UNC5D: variants seen among roughly 807,000 people sequenced by gnomAD.
UNC5D encodes the protein netrin receptor UNC5D.
UNC5D carries 39 observed loss-of-function variants against 105.4 expected under a neutral mutation model. That is an observed-to-expected ratio of 0.37 (90% confidence interval 0.29 to 0.48). The LOEUF is 0.48. UNC5D is among the 20% of genes least tolerant of loss of function. The pLI is 0.98. For missense variants in UNC5D, 991 were observed against 1,202.4 expected (o/e 0.82, Z 2.60); for synonymous variants, 452 against 450.4 (o/e 1.00, Z -0.04).
At chr8:35,331,885 G>T (rs756604117) in intron 1 of UNC5D, among the ~76,000 whole-genome samples, 3 of 152,154 alleles carry the variant, frequency 2.0e-5, no homozygotes, top group Non-Finnish European at 2.9e-5. Flanking sequence ...CTTGGTAGAG[G>T]TGGCAACAAT....
intron 16 of UNC5D, among the ~76,000 whole-genome samples, chr8:35,784,148 G>C (rs1802632564): frequency 6.6e-6 from 1 of 152,120 alleles, no homozygotes; most frequent in Admixed American, 6.5e-5. Context: ...TGGTGATAGA[G>C]AAGTCTCTGA....
chr8:35,490,468 G>A (rs944314277), intron 1 of UNC5D, among the ~76,000 whole-genome samples: 12 of 151,964 alleles, frequency 7.9e-5, no homozygotes, highest in South Asian at 4.1e-4. Context: ...AGCCTACAGC[G>A]AGCTGTGATT....
intron 15 of UNC5D, among the ~76,000 whole-genome samples, chr8:35,768,797 C>A (rs539594999): frequency 6.6e-6 from 1 of 152,104 alleles, no homozygotes; most frequent in African/African-American, 2.4e-5. Flanking sequence ...CTTAGAAATG[C>A]CTTGCAGAAG....
In UNC5D at chr8:35,750,764, C is replaced by T. The variant is rs771659522; in HGVS notation, c.2118C>T (p.Tyr706=). ...FGCMSCNSLD[Y]NLRVYCVDNT... ...GCATGTCCTGTAACTCCCTGGATTACAACTTGAGAGTTTACTGTGTGGACA... is the reference window on the plus strand; with the variant it reads ...GCATGTCCTGTAACTCCCTGGATTATAACTTGAGAGTTTACTGTGTGGACA... The change falls in exon 13 of 17, where the codon TAC becomes TAT. Residue 706 remains tyrosine, a synonymous_variant. Transcript: ENST00000404895. 6.2e-6 allele frequency: 10 copies of T among 1,614,144 alleles called. No homozygotes were observed. Among genetic ancestry groups the T allele is most frequent in the Non-Finnish European group, 8.5e-6 (10 of 1,180,020 alleles).
chr8:35,407,246 TATG>T (rs1377911533), intron 1 of UNC5D, among the ~76,000 whole-genome samples: 1 of 152,158 alleles, frequency 6.6e-6, no homozygotes, highest in Non-Finnish European at 1.5e-5. Flanking sequence ...AAGTGTACTC[TATG>T]ATGTTTGCAC....
At chr8:35,560,491 A>C (rs745904896) in intron 2 of UNC5D, among the ~76,000 whole-genome samples, 17 of 152,296 alleles carry the variant, frequency 1.1e-4, no homozygotes, top group Middle Eastern at 3.4e-3. Flanking sequence ...TGCCTATGTA[A>C]ATGTGTATTT....
rs1211288732 is a variant in UNC5D at position 35,627,275 on chromosome 8, A to G, written c.570+31618A>G. On this transcript the variant is annotated intron_variant, in intron 4 of 16. Coordinates refer to ENST00000404895, the MANE Select transcript of UNC5D (RefSeq NM_080872.4). Reference sequence around the variant, plus strand: ...CAATGACCTTTAAGGTAGAGTTCCAACTTCCGAACAATAACGTTCAGACAT... The same window carrying G: ...CAATGACCTTTAAGGTAGAGTTCCAGCTTCCGAACAATAACGTTCAGACAT... Among the ~76,000 whole-genome samples, 9 of 152,286 alleles carry G rather than the reference A, an allele frequency of 5.9e-5. No individual in the cohort carries two copies. In the East Asian group the frequency reaches 1.7e-3, roughly 30 times the overall value.
At chr8:35,369,488 G>T (rs1384201207) in intron 1 of UNC5D, among the ~76,000 whole-genome samples, 1 of 152,128 alleles carries the variant, frequency 6.6e-6, no homozygotes, top group Non-Finnish European at 1.5e-5. Flanking sequence ...TTATTTCCTG[G>T]AATGCTTCTT....
rs1178293816 is a variant in UNC5D at position 35,722,283 on chromosome 8, C to T, written c.1191C>T (p.Val397=). 2.5e-6 allele frequency: 4 copies of T among 1,614,154 alleles called. No individual in the cohort carries two copies. The highest frequency in any genetic ancestry group is 3.4e-6 in the Non-Finnish European group (4 of 1,180,018). Residue 397 remains valine, a synonymous_variant, in exon 9 of 17, where the codon GTC becomes GTT. Transcript: ENST00000404895. ...GAAVVAVAVL[V]IGVTLYRRSQ... ...CCGTCGTGGCCGTTGCAGTCCTGGT[C>T]ATTGGTGTCACCCTTTACAGACGGA...
Position 35,325,299 on chromosome 8 carries a change from A to G in UNC5D, c.103+89412A>G, listed in dbSNP as rs368334598. Among the ~76,000 whole-genome samples, 586 of 152,340 alleles carry G rather than the reference A, an allele frequency of 3.8e-3. 7 individuals carry two copies. The highest frequency in any genetic ancestry group is 0.014 in the African/African-American group (564 of 41,574). On this transcript the variant is annotated intron_variant, in intron 1 of 16. Transcript: ENST00000404895. Reference sequence around the variant, plus strand: ...CATGCTAGTAATTATTTTTAAAAAGACTTAACTTGATAATGCTTAAGTGCT... The same window carrying G: ...CATGCTAGTAATTATTTTTAAAAAGGCTTAACTTGATAATGCTTAAGTGCT...
chr8:35,444,145 T>C (rs1422281610), intron 1 of UNC5D, among the ~76,000 whole-genome samples: 1 of 152,022 alleles, frequency 6.6e-6, no homozygotes, highest in Non-Finnish European at 1.5e-5. Context: ...AGAAGGTGAC[T>C]GAATTGGCAG....
chr8:35,325,059 C>G (rs1237212051), intron 1 of UNC5D, among the ~76,000 whole-genome samples: 2 of 152,194 alleles, frequency 1.3e-5, no homozygotes, highest in South Asian at 2.1e-4. Flanking sequence ...ATGGGTTGCT[C>G]TCAGCCAACA....
chr8:35,544,279 T>G, intron 1 of UNC5D: 7 of 1,184,748 alleles, frequency 5.9e-6, no homozygotes, highest in East Asian at 2.7e-5. Flanking sequence ...GCTGATGGCA[T>G]TAGGATTTAA....
chr8:35,414,010 G>A (rs901406123), intron 1 of UNC5D, among the ~76,000 whole-genome samples: 2 of 152,076 alleles, frequency 1.3e-5, no homozygotes, highest in African/African-American at 4.8e-5. Flanking sequence ...TGACTGGAAT[G>A]GGACCCAAAT....
At chr8:35,639,733 A>G (rs938797536) in intron 4 of UNC5D, among the ~76,000 whole-genome samples, 1 of 152,070 alleles carries the variant, frequency 6.6e-6, no homozygotes, top group African/African-American at 2.4e-5. Context: ...GAAGTCACAT[A>G]AAGTATTTTG....
chr8:35,494,000 A>G (rs1429734572), intron 1 of UNC5D, among the ~76,000 whole-genome samples: 1 of 152,260 alleles, frequency 6.6e-6, no homozygotes, highest in East Asian at 1.9e-4. Flanking sequence ...AGAGGACTTA[A>G]GCAACTTTCC....
In UNC5D at chr8:35,452,645, A is replaced by T. The variant is rs538501945; in HGVS notation, c.104-96647A>T. 5.3e-5 allele frequency among the ~76,000 whole-genome samples: 8 copies of T among 152,330 alleles called. No individual in the cohort carries two copies. The East Asian group carries it at 1.4e-3, about 26-fold the overall frequency. On this transcript the variant is annotated intron_variant, in intron 1 of 16. Transcript: ENST00000404895. The stretch of plus-strand genomic sequence containing the variant: ...AGTTACACCCCAAAGTTAGGAAAAA[A>T]GACACGGTAGTAGCTTTTTTTGAAT...
In UNC5D at chr8:35,780,518, C is replaced by T. The variant is rs181495982; in HGVS notation, c.2657+6041C>T. ...GCAATCTGTTTCTGAATAACTGTTG[C>T]GAAATCACTTGAGGTAGGAGAGTCC... On this transcript the variant is annotated intron_variant, in intron 16 of 16. Transcript: ENST00000404895. Among the ~76,000 whole-genome samples, 217 of 152,080 alleles carry T rather than the reference C, an allele frequency of 1.4e-3. 3 individuals are homozygous for T. The highest frequency in any genetic ancestry group is 3.4e-3 in the Middle Eastern group (1 of 294).
rs188758803 is a variant in UNC5D, at chr8:35,722,226, C to T, written c.1134C>T (p.Ser378=). 105 of 1,613,546 alleles carry T rather than the reference C, an allele frequency of 6.5e-5. No homozygotes were observed. The highest frequency in any genetic ancestry group is 5.1e-4 in the East Asian group (23 of 44,872). The change falls in exon 9 of 17, where the codon AGC becomes AGT. Residue 378 remains serine, a synonymous_variant. Coordinates refer to ENST00000404895, the MANE Select transcript of UNC5D (RefSeq NM_080872.4). The part of the protein sequence containing the change: ...EIKPQSIENA[S]DIALYSGLGA... ...GTCTTTCAGGCATTGAGAATGCCAG[C>T]GACATTGCTTTGTACTCGGGCTTGG...
Sources: gnomAD v4.1 joint callset for allele counts (sites outside exome capture counted in the v4.1 genomes callset) on GRCh38, gnomAD v4.1.1 for gene constraint, MANE v1.5 for transcripts, NCBI Gene and HGNC (gene_info 2026-07-23, HGNC 2026-07-21) for gene names.